Variants in MAGT1 observed in about 807,000 individuals in gnomAD.
The protein encoded by MAGT1 is magnesium transporter 1.
Under a neutral mutation model 28.4 loss-of-function variants are expected in MAGT1, and 4 were observed. The observed-to-expected ratio is 0.14, with a 90% CI of 0.07 to 0.32. The LOEUF is 0.32. Ranked by LOEUF, MAGT1 falls within the 10% of genes least tolerant of loss-of-function variation. The pLI is 1.00. For synonymous variants in MAGT1, 89 were observed against 89.7 expected (o/e 0.99, Z 0.04); for missense variants, 193 against 264.5 (o/e 0.73, Z 1.88).
chrX:77,843,991 T>A (rs1557214650), intron 7 of MAGT1, among the ~76,000 whole-genome samples: 1 of 112,001 alleles, frequency 8.9e-6, no homozygotes, highest in African/African-American at 3.2e-5. Context: ...TCCCTCTTTT[T>A]CTATTGATTG....
At chrX:77,868,554 T>G (rs1166115277) in intron 3 of MAGT1, 2 of 196,649 alleles carry the variant, frequency 1.0e-5, no homozygotes, top group African/African-American at 6.0e-5. Flanking sequence ...GAAGAATCAC[T>G]TGAATCCAGG....
intron 8 of MAGT1, among the ~76,000 whole-genome samples, chrX:77,840,309 G>A (rs782703281): frequency 1.1e-3 from 121 of 107,399 alleles, no homozygotes; most frequent in African/African-American, 2.6e-3. Context: ...GGTGGTGGGC[G>A]CCTGTAATCC....
intron 7 of MAGT1, 74 bp from the exon 8 acceptor site, chrX:77,841,394 T>C: frequency 6.8e-6 from 5 of 739,857 alleles, no homozygotes; most frequent in Non-Finnish European, 8.5e-6. Context: ...CAGTTTCTCA[T>C]GAAGAAAATT....
chrX:77,846,089 T>C (rs1365047379), intron 7 of MAGT1, among the ~76,000 whole-genome samples: 1 of 111,909 alleles, frequency 8.9e-6, no homozygotes, highest in Non-Finnish European at 1.9e-5. Context: ...GTAGATTTGG[T>C]CTTTTCACAT....
intron 1 of MAGT1, among the ~76,000 whole-genome samples, chrX:77,892,154 CA>C (rs1176257886): frequency 9.0e-6 from 1 of 111,163 alleles, no homozygotes; most frequent in Non-Finnish European, 1.9e-5. Flanking sequence ...CTCGGCCTCC[CA>C]AAGTGCTGGG....
chrX:77,832,868 A>T (rs1557213546), intron 8 of MAGT1, among the ~76,000 whole-genome samples: 1 of 108,021 alleles, frequency 9.3e-6, no homozygotes, highest in Non-Finnish European at 1.9e-5. Flanking sequence ...AAGAAAATCA[A>T]CTTTCAGTTT....
chrX:77,856,900 TA>T (rs2076982762), intron 4 of MAGT1, 27 bp from the exon 5 acceptor site: 1 of 1,163,611 alleles, frequency 8.6e-7, no homozygotes, highest in African/African-American at 1.8e-5. Flanking sequence ...AAAAACATGT[TA>T]AAGTATAAAA....
intron 8 of MAGT1, among the ~76,000 whole-genome samples, chrX:77,839,500 C>A (rs1462913581): frequency 1.3e-4 from 11 of 84,132 alleles, no homozygotes; most frequent in African/African-American, 3.7e-4. Flanking sequence ...TGCGCCACAA[C>A]GCCTGGCTAA....
At chrX:77,845,627 G>A (rs1557214832) in intron 7 of MAGT1, among the ~76,000 whole-genome samples, 1 of 111,591 alleles carries the variant, frequency 9.0e-6, no homozygotes, top group African/African-American at 3.3e-5. Flanking sequence ...TTGTCGGGCA[G>A]GCCTGGTGGT....
At position 77,826,173 on chromosome X, in the gene MAGT1, T is replaced by C. The variant is rs1339225972; in HGVS notation, c.*3047A>G. On this transcript the variant is annotated 3_prime_UTR_variant, in exon 10 of 10. Coordinates refer to ENST00000618282, the MANE Select transcript of MAGT1 (RefSeq NM_001367916.1). ...TAACAACATTAAGAATGAGGGACCA[T>C]GTATAGATTCCTAGAATAATATATC... is the stretch of plus-strand genomic sequence containing the variant. 8.9e-6 allele frequency among the ~76,000 whole-genome samples: 1 copy of C among 112,387 alleles called. No homozygotes were observed. The highest frequency in any genetic ancestry group is 3.2e-5 in the African/African-American group (1 of 30,968).
intron 3 of MAGT1, among the ~76,000 whole-genome samples, chrX:77,869,176 C>T (rs782436630): frequency 9.0e-6 from 1 of 110,677 alleles, no homozygotes; most frequent in Non-Finnish European, 1.9e-5. Flanking sequence ...CCACCACACC[C>T]GGATAATTTT....
chrX:77,832,217 T>C (rs781910513), intron 8 of MAGT1, among the ~76,000 whole-genome samples: 1 of 111,410 alleles, frequency 9.0e-6, no homozygotes, highest in Non-Finnish European at 1.9e-5. Flanking sequence ...GATGTGAAGC[T>C]CTTTCAATCC....
intron 7 of MAGT1, 140 bp downstream of exon 7, chrX:77,853,761 G>A (rs1249331858): frequency 2.0e-5 from 11 of 538,849 alleles, no homozygotes; most frequent in Non-Finnish European, 1.9e-5. Flanking sequence ...TTGGGCTGGA[G>A]AGGATGATAC....
At chrX:77,891,287 C>T (rs1195394906) in intron 1 of MAGT1, among the ~76,000 whole-genome samples, 1 of 108,687 alleles carries the variant, frequency 9.2e-6, no homozygotes, top group Non-Finnish European at 1.9e-5. Flanking sequence ...AAGCCCCCAA[C>T]CACCCTCTTG....
intron 3 of MAGT1, among the ~76,000 whole-genome samples, chrX:77,863,880 C>T (rs2077001454): frequency 1.8e-5 from 2 of 110,978 alleles, no homozygotes; most frequent in South Asian, 3.8e-4. Context: ...AAAAATTAGC[C>T]AGGCGTGGTG....
Position 77,868,693 on chromosome X carries a change from G to A in MAGT1, c.390+2115C>T, listed in dbSNP as rs782042756. 14 of 289,569 alleles carry A rather than the reference G, an allele frequency of 4.8e-5. No individual in the cohort carries two copies. In the East Asian group the frequency reaches 1.4e-3, roughly 28 times the overall value. The allele number at this position is 289,569 out of a possible 1,213,427, so 23.9% of individuals were successfully genotyped here. A position where few individuals can be genotyped will look rare whatever the true frequency, so the allele number is the denominator to read the frequency against. On this transcript the variant is annotated intron_variant, in intron 3 of 9. Coordinates refer to ENST00000618282, the MANE Select transcript of MAGT1 (RefSeq NM_001367916.1). ...AAATTAACCAGGCGTGGTGGCAAGT[G>A]CCTGTAATCCCAGCTACTTGGGAGG...
In MAGT1 at chrX:77,853,956, G is replaced by A. The variant is rs782533209; in HGVS notation, c.771C>T (p.Ile257=). The change falls in exon 7 of 10, where the codon ATC becomes ATT. Residue 257 remains isoleucine, a synonymous_variant. Transcript: ENST00000618282. The stretch of plus-strand genomic sequence containing the variant: ...CAAACTGGGCTTGACTGCTTCCATG[G>A]ATATAATTCTAGGAGGGAAAAAAGA... The part of the protein sequence containing the change: ...KNPHTGHVNY[I]HGSSQAQFVA... The A allele has an allele frequency of 1.0e-5, 12 of 1,198,138 alleles. No homozygotes were observed. The Admixed American group carries it at 2.4e-4, about 24-fold the overall frequency.
chrX:77,892,337 G>C (rs2077085199), intron 1 of MAGT1, among the ~76,000 whole-genome samples: 1 of 112,460 alleles, frequency 8.9e-6, no homozygotes, highest in Non-Finnish European at 1.9e-5. Flanking sequence ...TTTTGAAACT[G>C]TGTCTAAGGA....
intron 1 of MAGT1, among the ~76,000 whole-genome samples, chrX:77,884,694 C>T (rs1048905675): frequency 7.3e-5 from 8 of 108,955 alleles, no homozygotes; most frequent in Non-Finnish European, 1.5e-4. Flanking sequence ...CAGTAGCACC[C>T]TCCTCTCCCA....
Sources: allele counts gnomAD v4.1 joint callset (sites outside exome capture counted in the v4.1 genomes callset), GRCh38; gene constraint gnomAD v4.1.1; transcripts MANE v1.5; gene names NCBI Gene and HGNC (gene_info 2026-07-23, HGNC 2026-07-21).